Variants in TMEM30B observed in about 807,000 individuals in gnomAD.
TMEM30B encodes the protein cell cycle control protein 50B.
Under a neutral mutation model 27.9 loss-of-function variants are expected in TMEM30B, and 25 were observed. The observed-to-expected ratio is 0.89, with a 90% confidence interval of 0.65 to 1.25. The LOEUF (loss-of-function observed/expected upper bound fraction) is 1.25, where lower values mean the gene tolerates loss of function less well. Among genes scored for constraint, TMEM30B ranks in the 50% most tolerant of loss-of-function variants. The pLI, the probability that TMEM30B is intolerant of heterozygous loss-of-function variation, is 0.00. For synonymous variants in TMEM30B, 248 were observed against 238.5 expected (o/e 1.04, Z -0.37); for missense variants, 536 against 506.5 (o/e 1.06, Z -0.56).
chr14:61,281,052 GGCCGA>G lies in TMEM30B; in HGVS notation c.91_95del (p.Ser31GlnfsTer43). The G allele has an allele frequency of 6.6e-7, 1 of 1,524,398 alleles. No individual in the cohort carries two copies. The highest frequency in any genetic ancestry group is 2.0e-5 in the Admixed American group (1 of 49,136). The allele number at this position is 1,524,398 out of a possible 1,614,324, so 94.4% of individuals were successfully genotyped here. ...AGAAGAAGAGCGGCAGCGCGATGCT[GGCCGA>G]CAGCAGCGGCTGCCAGGCGGGGAGG... On this transcript the variant is annotated frameshift_variant, in exon 1 of 1. Transcript: ENST00000555868. LOFTEE classifies it high-confidence loss of function.
rs923237691 is a variant in TMEM30B at position 61,278,873 on chromosome 14, A to G, written c.*1219T>C. Reference sequence around the variant, plus strand: ...TAAGACTATATATGCTTTAACATTGATTCAAATATGATTACTAGAAATCAA... The same window carrying G: ...TAAGACTATATATGCTTTAACATTGGTTCAAATATGATTACTAGAAATCAA... On this transcript the variant is annotated 3_prime_UTR_variant, in exon 1 of 1. Transcript: ENST00000555868. The G allele has an allele frequency of 3.3e-5, 5 of 152,124 alleles. No homozygotes were observed. Among genetic ancestry groups the G allele is most frequent in the African/African-American group, 1.2e-4 (5 of 41,434 alleles). The allele number at this position is 152,124 out of a possible 1,614,324, so 9.4% of individuals were successfully genotyped here.
rs2045235249 is a variant in TMEM30B at position 61,279,341 on chromosome 14, A to G, written c.*751T>C. The G allele has an allele frequency of 6.6e-6, 1 of 152,236 alleles. No homozygotes were observed. Among genetic ancestry groups the G allele is most frequent in the African/African-American group, 2.4e-5 (1 of 41,470 alleles). 9.4% of individuals were successfully genotyped at this position (152,236 alleles called of 1,614,324 possible). ...CGTTCAAGGCAGAGTGCCAGACCAA[A>G]CCTGGAACATCATGGTTGTCACTGC... On this transcript the variant is annotated 3_prime_UTR_variant, in exon 1 of 1. Transcript: ENST00000555868.
Position 61,277,442 on chromosome 14 carries a change from T to C in TMEM30B, c.*2650A>G, listed in dbSNP as rs921637404. On this transcript the variant is annotated 3_prime_UTR_variant, in exon 1 of 1. Coordinates refer to ENST00000555868, the MANE Select transcript of TMEM30B (RefSeq NM_001017970.3). Reference sequence around the variant, plus strand: ...CCAGTCCAATTGTTGAGGTTCACTCTTTTCTATCTCACTTCCTGAAGATAC... The same window carrying C: ...CCAGTCCAATTGTTGAGGTTCACTCCTTTCTATCTCACTTCCTGAAGATAC... The C allele has an allele frequency of 6.6e-6, 1 of 152,208 alleles. No individual in the cohort carries two copies. Among genetic ancestry groups the C allele is most frequent in the African/African-American group, 2.4e-5 (1 of 41,438 alleles). 9.4% of individuals were successfully genotyped at this position (152,208 alleles called of 1,614,324 possible). A position where few individuals can be genotyped will look rare whatever the true frequency, so the allele number is the denominator to read the frequency against.
Position 61,280,683 on chromosome 14 carries a change from G to A in TMEM30B, c.465C>T (p.Ala155=), listed in dbSNP as rs1484029193. ...NECAPYQRSA[A]GLPIAPCGAI... ...CGCCGCAGGGCGCGATGGGCAGGCC[G>A]GCCGCGCTGCGCTGGTAGGGGGCGC... The change falls in exon 1 of 1, where the codon GCC becomes GCT. Residue 155 remains alanine (A), a synonymous_variant. Transcript: ENST00000555868. This position sits in a 1 kb window ranked among gnomAD's most constrained non-coding sequence, Gnocchi z 5.0. 1.9e-6 allele frequency: 3 copies of A among 1,575,520 alleles called. No individual in the cohort carries two copies. Among genetic ancestry groups the A allele is most frequent in the South Asian group, 1.1e-5 (1 of 87,080 alleles).
rs2045242023 is a variant in TMEM30B at position 61,280,043 on chromosome 14, C to T, written c.*49G>A. On this transcript the variant is annotated 3_prime_UTR_variant, in exon 1 of 1. Transcript: ENST00000555868. The surrounding 1 kb of genome is among the most constrained non-coding windows in gnomAD (Gnocchi z 5.0). ...GGCGAGGAGGAGATGCCAAAAGCAC[C>T]TTGCAAGAGTTTTGGCAAGAAGCAG... 1.3e-6 allele frequency: 2 copies of T among 1,500,172 alleles called. No individual in the cohort carries two copies. The highest frequency in any genetic ancestry group is 8.9e-7 in the Non-Finnish European group (1 of 1,117,836). 92.9% of individuals were successfully genotyped at this position (1,500,172 alleles called of 1,614,324 possible). A position where few individuals can be genotyped will look rare whatever the true frequency, so the allele number is the denominator to read the frequency against.
chr14:61,280,595 G>T lies in TMEM30B; in HGVS notation c.553C>A (p.Pro185Thr). The T allele has an allele frequency of 6.3e-7, 1 of 1,592,548 alleles. No individual in the cohort carries two copies. The highest frequency in any genetic ancestry group is 8.5e-7 in the Non-Finnish European group (1 of 1,169,866). The part of the protein sequence containing the change: ...SLWHQRQPGG[P>T]YVEVPLDRSG... ...CGGTCGAGCGGCACCTCGACGTAGG[G>T]CCCGCCGGGCTGGCGCTGGTGCCAA... The change falls in exon 1 of 1, where the codon CCC becomes ACC. Residue 185 changes from proline to threonine, a missense_variant. By Grantham distance (38) the Pro-to-Thr change is conservative (BLOSUM62 -1). Coordinates refer to ENST00000555868, the MANE Select transcript of TMEM30B (RefSeq NM_001017970.3). This position sits in a 1 kb window ranked among gnomAD's most constrained non-coding sequence, Gnocchi z 5.0.
chr14:61,280,000 G>C lies in TMEM30B; in HGVS notation c.*92C>G. The C allele has an allele frequency of 9.0e-7, 1 of 1,112,880 alleles. No individual in the cohort carries two copies. The highest frequency in any genetic ancestry group is 1.3e-6 in the Non-Finnish European group (1 of 788,230). 68.9% of individuals were successfully genotyped at this position (1,112,880 alleles called of 1,614,324 possible). ...CACAAAGGGAGGAAAAGCTAGGCGA[G>C]GTTGGAATTGGGTGACGGGCGAGGA... On this transcript the variant is annotated 3_prime_UTR_variant, in exon 1 of 1. Coordinates refer to ENST00000555868, the MANE Select transcript of TMEM30B (RefSeq NM_001017970.3).
rs778723205 is a variant in TMEM30B at position 61,280,785 on chromosome 14, G to C, written c.363C>G (p.Asn121Lys). Residue 121 changes from asparagine (N) to lysine (K), a missense_variant, in exon 1 of 1, where the codon AAC becomes AAG. Transcript: ENST00000555868. This position sits in a 1 kb window ranked among gnomAD's most constrained non-coding sequence, Gnocchi z 5.0. ...YYELTNFYQN[N>K]RRYGVSRDDA... ...CGTCGCGGGACACGCCGTAGCGCCG[G>C]TTGTTCTGGTAGAAGTTGGTCAGCT... The C allele has an allele frequency of 2.6e-6, 4 of 1,556,538 alleles. No individual in the cohort carries two copies. Among genetic ancestry groups the C allele is most frequent in the Non-Finnish European group, 3.4e-6 (4 of 1,160,204 alleles).
chr14:61,280,297 C>T lies in TMEM30B; in HGVS notation c.851G>A (p.Arg284His). The T allele has an allele frequency of 6.2e-7, 1 of 1,613,878 alleles. No homozygotes were observed. ...CGGGTAGTTGTAGGTGATGTTGACG[C>T]GGTAGGCGCCCCGCGGCAGCCCGGC... is the stretch of plus-strand genomic sequence containing the variant. Reference protein sequence around the residue: ...YSAGLPRGAYRVNITYNYPVR... With the variant: ...YSAGLPRGAYHVNITYNYPVR... Residue 284 changes from arginine (R) to histidine (H), a missense_variant, in exon 1 of 1, where the codon CGC becomes CAC. Transcript: ENST00000555868. This position sits in a 1 kb window ranked among gnomAD's most constrained non-coding sequence, Gnocchi z 5.0.
chr14:61,280,221 C>T lies in TMEM30B; in HGVS notation c.927G>A (p.Trp309Ter). ...CCAGGAAGGGGTTCTTGCCACCCAT[C>T]CACGAGATGCTGCTGAAGATGAGGA... Reference protein sequence around the residue: ...HKLLIFSSISWMGGKNPFLGI... With the variant: ...HKLLIFSSIS Residue 309 changes from tryptophan (W) to a stop codon, truncating the protein, a stop_gained, in exon 1 of 1, where the codon TGG (tryptophan) becomes TGA (stop). Transcript: ENST00000555868. LOFTEE classifies it high-confidence loss of function. This position sits in a 1 kb window ranked among gnomAD's most constrained non-coding sequence, Gnocchi z 5.0. 3 of 1,614,030 alleles carry T rather than the reference C, an allele frequency of 1.9e-6. No individual in the cohort carries two copies. The highest frequency in any genetic ancestry group is 2.5e-6 in the Non-Finnish European group (3 of 1,179,938).
Position 61,281,186 on chromosome 14 carries a change from G to A in TMEM30B, c.-39C>T. 3 of 1,240,684 alleles carry A rather than the reference G, an allele frequency of 2.4e-6. No individual in the cohort carries two copies. Among genetic ancestry groups the A allele is most frequent in the Non-Finnish European group, 2.0e-6 (2 of 981,180 alleles). The allele number at this position is 1,240,684 out of a possible 1,614,324, so 76.9% of individuals were successfully genotyped here. A position where few individuals can be genotyped will look rare whatever the true frequency, so the allele number is the denominator to read the frequency against. ...GGACCGACGCGCGGGCTGACCGAGT[G>A]GGGGCCCCGCCGCGGGGCGCCTCCC... On this transcript the variant is annotated 5_prime_UTR_variant, in exon 1 of 1. Transcript: ENST00000555868.
rs1443199632 is a variant in TMEM30B at position 61,279,540 on chromosome 14, G to A, written c.*552C>T. 1 of 152,682 alleles carries A rather than the reference G, an allele frequency of 6.5e-6. No homozygotes were observed. The highest frequency in any genetic ancestry group is 1.5e-5 in the Non-Finnish European group (1 of 68,538). The allele number at this position is 152,682 out of a possible 1,614,324, so 9.5% of individuals were successfully genotyped here. Reference sequence around the variant, plus strand: ...CCTTACTGTGTCTGAATCTCTGTTTGGTGTCTCCTAATCTACCTGCATATT... The same window carrying A: ...CCTTACTGTGTCTGAATCTCTGTTTAGTGTCTCCTAATCTACCTGCATATT... On this transcript the variant is annotated 3_prime_UTR_variant, in exon 1 of 1. Transcript: ENST00000555868.
rs2045262060 is a variant in TMEM30B at position 61,281,156 on chromosome 14, C to T, written c.-9G>A. The T allele has an allele frequency of 7.6e-7, 1 of 1,315,950 alleles. No homozygotes were observed. Among genetic ancestry groups the T allele is most frequent in the Admixed American group, 4.2e-5 (1 of 23,892 alleles). 81.5% of individuals were successfully genotyped at this position (1,315,950 alleles called of 1,614,324 possible). The stretch of plus-strand genomic sequence containing the variant: ...GTGGCGCTCCAGGTCATGGCGGCCG[C>T]GCGGGGACCGACGCGCGGGCTGACC... On this transcript the variant is annotated 5_prime_UTR_variant, in exon 1 of 1. Transcript: ENST00000555868.
Position 61,278,316 on chromosome 14 carries a change from T to C in TMEM30B, c.*1776A>G, listed in dbSNP as rs1220381241. On this transcript the variant is annotated 3_prime_UTR_variant, in exon 1 of 1. Coordinates refer to ENST00000555868, the MANE Select transcript of TMEM30B (RefSeq NM_001017970.3). Reference sequence around the variant, plus strand: ...CATACAAAATCTAATAATAAAATTGTGTCGTGTTCAGGAGTTGGGAAGCCA... The same window carrying C: ...CATACAAAATCTAATAATAAAATTGCGTCGTGTTCAGGAGTTGGGAAGCCA... 6.6e-6 allele frequency: 1 copy of C among 152,200 alleles called. No individual in the cohort carries two copies. Among genetic ancestry groups the C allele is most frequent in the African/African-American group, 2.4e-5 (1 of 41,456 alleles). The allele number at this position is 152,200 out of a possible 1,614,324, so 9.4% of individuals were successfully genotyped here. A position where few individuals can be genotyped will look rare whatever the true frequency, so the allele number is the denominator to read the frequency against.
In TMEM30B at chr14:61,280,014, GA is replaced by G; in HGVS notation, c.*77del. ...AAGCTAGGCGAGGTTGGAATTGGGT[GA>G]CGGGCGAGGAGGAGATGCCAAAAGC... is the stretch of plus-strand genomic sequence containing the variant. On this transcript the variant is annotated 3_prime_UTR_variant, in exon 1 of 1. Transcript: ENST00000555868. The surrounding 1 kb of genome is among the most constrained non-coding windows in gnomAD (Gnocchi z 5.0). 1 of 1,277,704 alleles carries G rather than the reference GA, an allele frequency of 7.8e-7. No homozygotes were observed. The highest frequency in any genetic ancestry group is 1.5e-5 in the South Asian group (1 of 65,148). 79.1% of individuals were successfully genotyped at this position (1,277,704 alleles called of 1,614,324 possible). A position where few individuals can be genotyped will look rare whatever the true frequency, so the allele number is the denominator to read the frequency against.
chr14:61,280,952 C>T lies in TMEM30B; in HGVS notation c.196G>A (p.Asp66Asn), dbSNP rs1374177669. ...SSNGIKELEY[D>N]YTGDPGTGNC... ...CCGGTGCCCGGGTCGCCTGTATAGT[C>T]GTACTCCAGCTCCTTGATGCCGTTG... Residue 66 changes from aspartate to asparagine, a missense_variant, in exon 1 of 1, where the codon GAC becomes AAC. Asp to Asn is a conservative substitution (Grantham distance 23). Coordinates refer to ENST00000555868, the MANE Select transcript of TMEM30B (RefSeq NM_001017970.3). This position sits in a 1 kb window ranked among gnomAD's most constrained non-coding sequence, Gnocchi z 5.0. The T allele has an allele frequency of 3.9e-6, 6 of 1,543,170 alleles. No individual in the cohort carries two copies. In the African/African-American group the frequency reaches 5.5e-5, roughly 14 times the overall value.
In TMEM30B at chr14:61,280,804, G is replaced by T; in HGVS notation, c.344C>A (p.Thr115Asn). 6.4e-7 allele frequency: 1 copy of T among 1,561,590 alleles called. No individual in the cohort carries two copies. Among genetic ancestry groups the T allele is most frequent in the African/African-American group, 1.4e-5 (1 of 74,042 alleles). ...QGPVYLYYELTNFYQNNRRYG... is the reference protein window; with the variant it reads ...QGPVYLYYELNNFYQNNRRYG... ...GCGCCGGTTGTTCTGGTAGAAGTTGGTCAGCTCGTAGTAGAGGTACACTGG... is the reference window on the plus strand; with the variant it reads ...GCGCCGGTTGTTCTGGTAGAAGTTGTTCAGCTCGTAGTAGAGGTACACTGG... Residue 115 changes from threonine to asparagine, a missense_variant, in exon 1 of 1, where the codon ACC (threonine) becomes AAC (asparagine). Physicochemically the swap from Thr to Asn is moderately conservative, Grantham distance 65 (BLOSUM62 0). Transcript: ENST00000555868. The surrounding 1 kb of genome is among the most constrained non-coding windows in gnomAD (Gnocchi z 5.0).
In TMEM30B at chr14:61,279,843, C is replaced by A; in HGVS notation, c.*249G>T. On this transcript the variant is annotated 3_prime_UTR_variant, in exon 1 of 1. Transcript: ENST00000555868. ...ACTTGAAGAACCTCACATGGCAACT[C>A]AGTGTCGTGAAGGAGGTGGGAAGAG... is the stretch of plus-strand genomic sequence containing the variant. The A allele has an allele frequency of 2.0e-6, 1 of 510,816 alleles. No homozygotes were observed. Among genetic ancestry groups the A allele is most frequent in the Non-Finnish European group, 3.5e-6 (1 of 286,856 alleles). The allele number at this position is 510,816 out of a possible 1,614,324, so 31.6% of individuals were successfully genotyped here. A position where few individuals can be genotyped will look rare whatever the true frequency, so the allele number is the denominator to read the frequency against.
chr14:61,281,110 G>A lies in TMEM30B; in HGVS notation c.38C>T (p.Pro13Leu). 1 of 1,445,420 alleles carries A rather than the reference G, an allele frequency of 6.9e-7. No homozygotes were observed. Among genetic ancestry groups the A allele is most frequent in the Non-Finnish European group, 9.1e-7 (1 of 1,101,454 alleles). The allele number at this position is 1,445,420 out of a possible 1,614,324, so 89.5% of individuals were successfully genotyped here. Residue 13 changes from proline to leucine, a missense_variant, in exon 1 of 1, where the codon CCC becomes CTC. Physicochemically the swap from Pro to Leu is moderately conservative, Grantham distance 98 (BLOSUM62 -3). Coordinates refer to ENST00000555868, the MANE Select transcript of TMEM30B (RefSeq NM_001017970.3). ...CTGCTGAGTGAAGGCGGTGTTGTCGGGCTGGTGGGCGCCCCGGGCCGTGGC... is the reference window on the plus strand; with the variant it reads ...CTGCTGAGTGAAGGCGGTGTTGTCGAGCTGGTGGGCGCCCCGGGCCGTGGC... Reference protein sequence around the residue: ...WSATARGAHQPDNTAFTQQRL... With the variant: ...WSATARGAHQLDNTAFTQQRL...
Sources: gnomAD v4.1 joint callset for allele counts on GRCh38, gnomAD v4.1.1 for gene constraint, Gnocchi (gnomAD v3.1) non-coding constraint, MANE v1.5 for transcripts, NCBI Gene and HGNC (gene_info 2026-07-23, HGNC 2026-07-21) for gene names.